The following DLC1 variants were observed in gnomAD, a reference collection of about 807,000 sequenced individuals.
DLC1 encodes rho GTPase-activating protein 7.
Under a neutral mutation model 140.3 loss-of-function variants are expected in DLC1, and 54 were observed. The ratio of observed to expected loss-of-function variants is 0.38; its 90% CI spans 0.31 to 0.48. The LOEUF is 0.48. Among genes scored for constraint, DLC1 ranks in the 20% least tolerant of loss-of-function variants. The pLI is 0.96. For synonymous variants in DLC1, 986 were observed against 728.1 expected (o/e 1.35, Z -5.70); for missense variants, 2,536 against 1,907.0 (o/e 1.33, Z -6.14).
chr8:13,180,528 G>T (rs1366137787), intron 5 of DLC1, among the ~76,000 whole-genome samples: 1 of 152,050 alleles, frequency 6.6e-6, no homozygotes, highest in African/African-American at 2.4e-5. Flanking sequence ...AGAAGCCAAT[G>T]TACAATAGAC....
At chr8:13,180,002 C>G (rs961334216) in intron 5 of DLC1, among the ~76,000 whole-genome samples, 2 of 152,152 alleles carry the variant, frequency 1.3e-5, no homozygotes, top group Non-Finnish European at 2.9e-5. Context: ...GTGAACACAT[C>G]ATTGGCTTTG....
chr8:13,549,365 G>A (rs949231098), intron 1 of DLC1, among the ~76,000 whole-genome samples: 1 of 152,080 alleles, frequency 6.6e-6, no homozygotes, highest in Non-Finnish European at 1.5e-5. Context: ...AAAACTACAA[G>A]CTGTATTAGA....
At chr8:13,411,343 G>C (rs1457049073) in intron 2 of DLC1, among the ~76,000 whole-genome samples, 2 of 152,170 alleles carry the variant, frequency 1.3e-5, no homozygotes, top group African/African-American at 4.8e-5. Context: ...CCAATTATAT[G>C]ATATTCTGGA....
At chr8:13,578,393 G>A (rs1339662102) in intron 1 of DLC1, among the ~76,000 whole-genome samples, 1 of 152,082 alleles carries the variant, frequency 6.6e-6, no homozygotes, top group African/African-American at 2.4e-5. Context: ...TATGTGTGGG[G>A]TTTTCCCTGC....
At chr8:13,186,298 A>G in intron 5 of DLC1, among the ~76,000 whole-genome samples, 1 of 152,238 alleles carries the variant, frequency 6.6e-6, no homozygotes, top group African/African-American at 2.4e-5. Context: ...TCAAACGCAG[A>G]TTTGGTCTTT....
intron 1 of DLC1, among the ~76,000 whole-genome samples, chr8:13,537,382 T>C (rs1018010258): frequency 6.6e-6 from 1 of 152,218 alleles, no homozygotes; most frequent in African/African-American, 2.4e-5. Context: ...TCACTGAGTG[T>C]TCTTTCATGA....
chr8:13,223,474 C>G (rs1286021878), intron 5 of DLC1, among the ~76,000 whole-genome samples: 1 of 152,032 alleles, frequency 6.6e-6, no homozygotes, highest in Non-Finnish European at 1.5e-5. Context: ...TGAAATGGAA[C>G]AAAGATTAAA....
At chr8:13,211,075 A>G (rs1827917086) in intron 5 of DLC1, among the ~76,000 whole-genome samples, 1 of 152,140 alleles carries the variant, frequency 6.6e-6, no homozygotes, top group Admixed American at 6.6e-5. Flanking sequence ...ACTGCCTCAA[A>G]CCAGCTAGGA....
intron 1 of DLC1, among the ~76,000 whole-genome samples, chr8:13,505,399 A>G (rs1802012983): frequency 6.6e-6 from 1 of 152,210 alleles, no homozygotes; most frequent in Non-Finnish European, 1.5e-5. Flanking sequence ...AGAGTTAAAT[A>G]TCAGAAGACA....
chr8:13,381,561 A>G (rs746752270), intron 4 of DLC1, among the ~76,000 whole-genome samples: 1 of 152,154 alleles, frequency 6.6e-6, no homozygotes, highest in Non-Finnish European at 1.5e-5. Flanking sequence ...TGTCTCTTAG[A>G]TTTTTCACTC....
At chr8:13,179,225 T>C (rs1414855531) in intron 5 of DLC1, among the ~76,000 whole-genome samples, 1 of 150,344 alleles carries the variant, frequency 6.7e-6, no homozygotes, top group Non-Finnish European at 1.5e-5. Context: ...TCTCTTCTGT[T>C]AGAAATCAGG....
intron 1 of DLC1, among the ~76,000 whole-genome samples, chr8:13,514,125 ATC>A (rs1220200381): frequency 4.6e-5 from 7 of 152,048 alleles, no homozygotes. Context: ...AAGAAATTCA[ATC>A]TTCGTAGTTT....
chr8:13,463,555 T>C (rs770171736), intron 2 of DLC1, among the ~76,000 whole-genome samples: 8 of 152,220 alleles, frequency 5.3e-5, no homozygotes, highest in Non-Finnish European at 8.8e-5. Flanking sequence ...ACCTTTGAAA[T>C]AGGCCTGTTG....
At chr8:13,116,344 G>A (rs1820556880) in intron 5 of DLC1, 1 of 536,642 alleles carries the variant, frequency 1.9e-6, no homozygotes, top group Non-Finnish European at 2.4e-6. Flanking sequence ...AAGGCCAAGA[G>A]CAACTGACAC....
In DLC1 at chr8:13,086,438, C is replaced by T. The variant is rs967858255; in HGVS notation, c.4318G>A (p.Gly1440Arg). ...LRTWRTNLPKGACALLLTSVD... is the reference protein window; with the variant it reads ...LRTWRTNLPKRACALLLTSVD... ...GAGGTTAGTAAAAGGGCACAGGCTC[C>T]TTTGGGTAAATTAGTCCTCCAGGTT... The change falls in exon 17 of 18, where the codon GGA becomes AGA. Residue 1440 changes from glycine to arginine, a missense_variant. Physicochemically the swap from Gly to Arg is moderately radical, Grantham distance 125 (BLOSUM62 -2). Coordinates refer to ENST00000276297, the MANE Select transcript of DLC1 (RefSeq NM_182643.3). The T allele has an allele frequency of 6.2e-7, 1 of 1,614,210 alleles. No homozygotes were observed. Among genetic ancestry groups the T allele is most frequent in the African/African-American group, 1.3e-5 (1 of 75,064 alleles).
At chr8:13,372,567 G>T (rs1200093954) in intron 4 of DLC1, among the ~76,000 whole-genome samples, 1 of 152,130 alleles carries the variant, frequency 6.6e-6, no homozygotes, top group African/African-American at 2.4e-5. Context: ...AAACACTGGG[G>T]CTGACTTGCT....
chr8:13,088,730 G>T (rs746674725), intron 15 of DLC1, 26 bp from the exon 16 acceptor site: 1 of 1,610,830 alleles, frequency 6.2e-7, no homozygotes, highest in Non-Finnish European at 8.5e-7. Context: ...ATTTTTCAGT[G>T]CCAAGGCAAT....
chr8:13,412,167 A>G (rs1329416263), intron 2 of DLC1, among the ~76,000 whole-genome samples: 1 of 152,210 alleles, frequency 6.6e-6, no homozygotes, highest in Non-Finnish European at 1.5e-5. Context: ...GAGTCTATTA[A>G]TAGAAGAATT....
chr8:13,158,458 T>TG (rs1243217248), intron 5 of DLC1, among the ~76,000 whole-genome samples: 4 of 152,200 alleles, frequency 2.6e-5, no homozygotes, highest in Non-Finnish European at 5.9e-5. Flanking sequence ...GTGACGCCTA[T>TG]GAAAACAAAG....
Sources: gnomAD v4.1 joint callset for allele counts (sites outside exome capture counted in the v4.1 genomes callset) on GRCh38, gnomAD v4.1.1 for gene constraint, MANE v1.5 for transcripts, NCBI Gene and HGNC (gene_info 2026-07-23, HGNC 2026-07-21) for gene names.